Variants in MAP3K7CL observed in about 807,000 individuals in gnomAD.
MAP3K7CL encodes MAP3K7 C-terminal like.
A neutral mutation model predicts 18.6 loss-of-function variants in MAP3K7CL; 16 were observed. That is an observed-to-expected ratio of 0.86 (90% CI 0.58 to 1.31). The LOEUF (loss-of-function observed/expected upper bound fraction) is 1.31, where lower values mean the gene tolerates loss of function less well. Among genes scored for constraint, MAP3K7CL ranks in the 50% most tolerant of loss-of-function variants. The pLI is 0.00. For missense variants in MAP3K7CL, 163 were observed against 174.4 expected (o/e 0.93, Z 0.37); for synonymous variants, 65 against 66.8 (o/e 0.97, Z 0.13).
intron 3 of MAP3K7CL, among the ~76,000 whole-genome samples, chr21:29,154,189 T>C (rs2087344793): frequency 6.6e-6 from 1 of 152,188 alleles, no homozygotes; most frequent in Admixed American, 6.5e-5. Context: ...TCTAGCACAG[T>C]CCTTGACAAA....
At chr21:29,122,707 T>G (rs2086616023) in intron 4 of MAP3K7CL, among the ~76,000 whole-genome samples, 1 of 152,192 alleles carries the variant, frequency 6.6e-6, no homozygotes, top group African/African-American at 2.4e-5. Flanking sequence ...GCTGGGGTTT[T>G]TCTGGGTACA....
intron 4 of MAP3K7CL, among the ~76,000 whole-genome samples, chr21:29,165,088 C>G (rs1439310779): frequency 6.6e-6 from 1 of 152,036 alleles, no homozygotes; most frequent in African/African-American, 2.4e-5. Flanking sequence ...AAAATGAAAT[C>G]TATTACCAAA....
At chr21:29,155,412 G>A (rs2087377638) in intron 3 of MAP3K7CL, among the ~76,000 whole-genome samples, 1 of 152,208 alleles carries the variant, frequency 6.6e-6, no homozygotes, top group South Asian at 2.1e-4. Context: ...ATTCGCAGAA[G>A]CCAAATAGAA....
chr21:29,165,654 C>A (rs182066341), intron 4 of MAP3K7CL, among the ~76,000 whole-genome samples: 1 of 152,258 alleles, frequency 6.6e-6, no homozygotes, highest in African/African-American at 2.4e-5. Flanking sequence ...TCACTGCAAC[C>A]TCTGCCTCCC....
At chr21:29,090,751 C>T (rs1472180706) in intron 1 of MAP3K7CL, among the ~76,000 whole-genome samples, 1 of 151,638 alleles carries the variant, frequency 6.6e-6, no homozygotes, top group African/African-American at 2.4e-5. Flanking sequence ...AGCCTGTGGC[C>T]TTCCTCACTT....
At chr21:29,170,705 T>A (rs946615659) in intron 4 of MAP3K7CL, among the ~76,000 whole-genome samples, 6 of 151,900 alleles carry the variant, frequency 3.9e-5, no homozygotes, top group African/African-American at 1.2e-4. Flanking sequence ...AGTGATGTGA[T>A]CTCGGCTCAC....
At chr21:29,169,001 G>A (rs1178664699) in intron 4 of MAP3K7CL, among the ~76,000 whole-genome samples, 2 of 152,172 alleles carry the variant, frequency 1.3e-5, no homozygotes, top group Non-Finnish European at 2.9e-5. Context: ...TTAGGTGGTG[G>A]TTCTTAATCA....
chr21:29,162,950 C>CA (rs1364681958), intron 4 of MAP3K7CL, among the ~76,000 whole-genome samples: 2 of 151,842 alleles, frequency 1.3e-5, no homozygotes, highest in Non-Finnish European at 1.5e-5. Flanking sequence ...ACTAAAAATA[C>CA]AAAAAAATTA....
intron 4 of MAP3K7CL, among the ~76,000 whole-genome samples, chr21:29,170,418 TA>T (rs1172166942): frequency 2.0e-5 from 3 of 152,186 alleles, no homozygotes; most frequent in Admixed American, 2.0e-4. Flanking sequence ...CAATCAAAAT[TA>T]ATGACAGATA....
At chr21:29,146,525 T>A (rs1483413815) in intron 2 of MAP3K7CL, among the ~76,000 whole-genome samples, 1 of 152,176 alleles carries the variant, frequency 6.6e-6, no homozygotes, top group Non-Finnish European at 1.5e-5. Context: ...ATTGGCAGAA[T>A]TTGTCACTTC....
intron 2 of MAP3K7CL, among the ~76,000 whole-genome samples, chr21:29,134,799 C>T (rs1375949394): frequency 6.6e-6 from 1 of 152,188 alleles, no homozygotes; most frequent in East Asian, 1.9e-4. Context: ...CCTGTAATCC[C>T]AGCACTTTGG....
intron 4 of MAP3K7CL, among the ~76,000 whole-genome samples, chr21:29,093,582 C>T (rs895188170): frequency 3.3e-5 from 5 of 151,970 alleles, no homozygotes; most frequent in South Asian, 2.1e-4. Context: ...CCTGGGTTCA[C>T]GCCATTCCCC....
At chr21:29,086,329 T>C (rs980837747) in intron 1 of MAP3K7CL, among the ~76,000 whole-genome samples, 2 of 152,096 alleles carry the variant, frequency 1.3e-5, no homozygotes, top group Non-Finnish European at 2.9e-5. Flanking sequence ...CATTGGCACA[T>C]CTATGTGAGT....
At chr21:29,108,969 C>G in intron 4 of MAP3K7CL, 3 of 1,328,216 alleles carry the variant, frequency 2.3e-6, no homozygotes, top group Non-Finnish European at 3.0e-6. Context: ...TGAAGGTCAA[C>G]TTGAATCTGA....
intron 2 of MAP3K7CL, among the ~76,000 whole-genome samples, chr21:29,138,251 T>C (rs1301241397): frequency 6.6e-6 from 1 of 152,252 alleles, no homozygotes; most frequent in Non-Finnish European, 1.5e-5. Flanking sequence ...ACTTAGCTAA[T>C]GGTAATTCCC....
At chr21:29,174,515 C>T (rs912686519) in intron 4 of MAP3K7CL, among the ~76,000 whole-genome samples, 197 bp from the exon 5 acceptor site, 2 of 152,120 alleles carry the variant, frequency 1.3e-5, no homozygotes, top group African/African-American at 2.4e-5. Flanking sequence ...TTGGAAGTGT[C>T]TAGTCGAGGT....
intron 1 of MAP3K7CL, among the ~76,000 whole-genome samples, chr21:29,132,404 G>A (rs2086796063): frequency 6.6e-6 from 1 of 152,102 alleles, no homozygotes; most frequent in South Asian, 2.1e-4. Flanking sequence ...GTGTTAAGAT[G>A]TGCATCCTTA....
intron 4 of MAP3K7CL, among the ~76,000 whole-genome samples, chr21:29,160,284 A>T (rs2087514893): frequency 6.6e-6 from 1 of 152,254 alleles, no homozygotes; most frequent in East Asian, 1.9e-4. Flanking sequence ...ATTTTAGTTC[A>T]TGAAATTAAA....
In MAP3K7CL at chr21:29,175,133, A is replaced by G; in HGVS notation, c.*241A>G. On this transcript the variant is annotated 3_prime_UTR_variant, in exon 5 of 5. Coordinates refer to ENST00000399928, the MANE Select transcript of MAP3K7CL (RefSeq NM_001286620.2). ...TTTTGGAGATCAGAATTCTTTTCCA[A>G]AGATATATGTTTTTTTCTTTTTTAG... 1 of 364,810 alleles carries G rather than the reference A, an allele frequency of 2.7e-6. No individual in the cohort carries two copies. Among genetic ancestry groups the G allele is most frequent in the East Asian group, 4.9e-5 (1 of 20,248 alleles). The allele number at this position is 364,810 out of a possible 1,614,324, so 22.6% of individuals were successfully genotyped here. A position where few individuals can be genotyped will look rare whatever the true frequency, so the allele number is the denominator to read the frequency against.
Sources: gnomAD v4.1 joint callset for allele counts (sites outside exome capture counted in the v4.1 genomes callset) on GRCh38, gnomAD v4.1.1 for gene constraint, MANE v1.5 for transcripts, NCBI Gene and HGNC (gene_info 2026-07-23, HGNC 2026-07-21) for gene names.